ABL2: variants seen among roughly 807,000 people sequenced by gnomAD.
The protein encoded by ABL2 is ABL proto-oncogene 2, non-receptor tyrosine kinase.
Under a neutral mutation model 107.7 loss-of-function variants are expected in ABL2, and 49 were observed. The ratio of observed to expected loss-of-function variants is 0.45; its 90% confidence interval spans 0.36 to 0.58. The LOEUF is 0.58. ABL2 is among the 20% of genes least tolerant of loss of function. The pLI is 0.00. For synonymous variants in ABL2, 549 were observed against 548.6 expected (o/e 1.00, Z -0.01); for missense variants, 1,245 against 1,457.0 (o/e 0.85, Z 2.37).
chr1:179,121,811 G>A lies in ABL2; in HGVS notation c.744C>T (p.His248=), dbSNP rs1037272328. 77 of 1,613,738 alleles carry A rather than the reference G, an allele frequency of 4.8e-5. No individual in the cohort carries two copies. Among genetic ancestry groups the A allele is most frequent in the Middle Eastern group, 1.6e-4 (1 of 6,062 alleles). ...FSTLAELVHH[H]STVADGLVTT... ...TCACCAGCCCATCAGCCACTGTGGA[G>A]TGATGGTGTACAAGCTCTGCCAAGG... The change falls in exon 5 of 12, where the codon CAC becomes CAT. Residue 248 remains histidine, a synonymous_variant. Coordinates refer to ENST00000502732, the MANE Select transcript of ABL2 (RefSeq NM_007314.4).
chr1:179,165,226 G>A (rs779804666), intron 1 of ABL2, among the ~76,000 whole-genome samples: 5 of 152,264 alleles, frequency 3.3e-5, no homozygotes, highest in Non-Finnish European at 5.9e-5. Flanking sequence ...CACCTGCTAT[G>A]TGCCAACTAC....
At chr1:179,217,570 G>A (rs78974588) in intron 1 of ABL2, among the ~76,000 whole-genome samples, 3,090 of 151,078 alleles carry the variant, frequency 0.02, 117 homozygotes, top group African/African-American at 0.073. Flanking sequence ...AGGTTGCAGT[G>A]AGCCTCGATC....
Position 179,112,295 on chromosome 1 carries a change from C to A in ABL2, c.1651+14G>T. The A allele has an allele frequency of 6.2e-7, 1 of 1,608,156 alleles. No individual in the cohort carries two copies. The highest frequency in any genetic ancestry group is 1.1e-5 in the South Asian group (1 of 90,758). On this transcript the variant is annotated intron_variant, in intron 10 of 11. Transcript: ENST00000502732. ...CAGAATTAGTCACCAACAGTAAATC[C>A]AACAGATTCTCACCTTCAGAAATGC...
Position 179,123,968 on chromosome 1 carries a change from G to A in ABL2, c.688-2101C>T, listed in dbSNP as rs191116267. ...TTTTTAAAGACGCTTTTGGTCGGGC[G>A]CAGTGGCTCACGCCTGTAATCCCAG... On this transcript the variant is annotated intron_variant, in intron 4 of 11. Coordinates refer to ENST00000502732, the MANE Select transcript of ABL2 (RefSeq NM_007314.4). Among the ~76,000 whole-genome samples, 499 of 152,032 alleles carry A rather than the reference G, an allele frequency of 3.3e-3. 4 individuals are homozygous for A. Among genetic ancestry groups the A allele is most frequent in the African/African-American group, 0.012 (479 of 41,494 alleles).
intron 10 of ABL2, 100 bp from the exon 11 acceptor site, chr1:179,110,555 T>G (rs958369080): frequency 1.9e-5 from 29 of 1,520,240 alleles, no homozygotes; most frequent in Non-Finnish European, 2.5e-5. Context: ...AACTGGCAAG[T>G]AGAGTACTAA....
chr1:179,214,655 T>C (rs1318462676), intron 1 of ABL2, among the ~76,000 whole-genome samples: 3 of 151,196 alleles, frequency 2.0e-5, no homozygotes, highest in African/African-American at 4.9e-5. Flanking sequence ...CTCAAATATA[T>C]ATACCCTTCG....
chr1:179,116,622 T>A (rs1437741497), intron 8 of ABL2, among the ~76,000 whole-genome samples: 5 of 151,384 alleles, frequency 3.3e-5, no homozygotes, highest in African/African-American at 1.2e-4. Context: ...GTGATTCTCC[T>A]ACCTCAGCCT....
chr1:179,145,960 C>A (rs1167370793), intron 1 of ABL2, among the ~76,000 whole-genome samples: 4 of 146,652 alleles, frequency 2.7e-5, no homozygotes, highest in Non-Finnish European at 5.9e-5. Context: ...GTGGCGTGAT[C>A]TTGGCTCACT....
intron 1 of ABL2, among the ~76,000 whole-genome samples, chr1:179,170,065 T>C (rs1173838781): frequency 6.6e-6 from 1 of 152,130 alleles, no homozygotes; most frequent in African/African-American, 2.4e-5. Context: ...AACATGTTTA[T>C]TTGGCTCACA....
intron 1 of ABL2, among the ~76,000 whole-genome samples, chr1:179,227,648 A>T (rs1025445735): frequency 2.0e-5 from 3 of 152,186 alleles, no homozygotes; most frequent in African/African-American, 7.2e-5. Flanking sequence ...TAAACTACTA[A>T]TCCATTCTTC....
intron 9 of ABL2, among the ~76,000 whole-genome samples, chr1:179,114,187 G>A (rs555701605): frequency 2.6e-5 from 4 of 152,108 alleles, no homozygotes; most frequent in South Asian, 2.1e-4. Flanking sequence ...CCTGGGGGAC[G>A]GAGGTTGCAA....
chr1:179,217,772 A>G (rs1662652231), intron 1 of ABL2, among the ~76,000 whole-genome samples: 1 of 152,180 alleles, frequency 6.6e-6, no homozygotes. Flanking sequence ...GACTCAATCC[A>G]TAGCCACATA....
chr1:179,157,891 A>G (rs1397580526), intron 1 of ABL2, among the ~76,000 whole-genome samples: 2 of 152,166 alleles, frequency 1.3e-5, no homozygotes, highest in Admixed American at 6.6e-5. Context: ...ATCTTTAAGC[A>G]TAGGAGCTAG....
In ABL2 at chr1:179,131,391, G is replaced by T; in HGVS notation, c.311C>A (p.Ala104Asp). 1 of 1,614,158 alleles carries T rather than the reference G, an allele frequency of 6.2e-7. No individual in the cohort carries two copies. ...RWSSKENLLG[A>D]TESDPNLFVA... Reference sequence around the variant, plus strand: ...GAAGAGATTAGGGTCACTCTCAGTGGCTCCGAGCAAGTTCTCCTTGGAGCT... The same window carrying T: ...GAAGAGATTAGGGTCACTCTCAGTGTCTCCGAGCAAGTTCTCCTTGGAGCT... The change falls in exon 3 of 12, where the codon GCC becomes GAC. Residue 104 changes from alanine (A) to aspartate (D), a missense_variant. Physicochemically the swap from Ala to Asp is moderately radical, Grantham distance 126. Coordinates refer to ENST00000502732, the MANE Select transcript of ABL2 (RefSeq NM_007314.4).
In ABL2 at chr1:179,111,281, C is replaced by CTTTTTT. The variant is rs748453531; in HGVS notation, c.1652-832_1652-827dup. 7.3e-5 allele frequency among the ~76,000 whole-genome samples: 6 copies of CTTTTTT among 82,276 alleles called. 1 individual carries two copies. The highest frequency in any genetic ancestry group is 2.1e-4 in the African/African-American group (4 of 19,064). 54.0% of individuals were successfully genotyped at this position (82,276 alleles called of 152,430 possible). A position where few individuals can be genotyped will look rare whatever the true frequency, so the allele number is the denominator to read the frequency against. ...ACAGGTGTGAACCACAGTGCTCAGT[C>CTTTTTT]TTTTTTTTTTTTTTTTTTTTTTGAC... On this transcript the variant is annotated intron_variant, in intron 10 of 11. Transcript: ENST00000502732.
chr1:179,225,437 C>G (rs1663135827), intron 1 of ABL2, among the ~76,000 whole-genome samples: 1 of 152,154 alleles, frequency 6.6e-6, no homozygotes, highest in Non-Finnish European at 1.5e-5. Flanking sequence ...ATTCGAGCAC[C>G]TACATTTACC....
chr1:179,118,645 T>C lies in ABL2; in HGVS notation c.1165A>G (p.Met389Val), dbSNP rs762813604. 7 of 1,613,892 alleles carry C rather than the reference T, an allele frequency of 4.3e-6. No individual in the cohort carries two copies. Among genetic ancestry groups the C allele is most frequent in the South Asian group, 1.1e-5 (1 of 91,048 alleles). ...ATTGCAGAAGAAATCTGAGTGGCCATGTAGAGCAGCACAACTGCAGTCACC... is the reference window on the plus strand; with the variant it reads ...ATTGCAGAAGAAATCTGAGTGGCCACGTAGAGCAGCACAACTGCAGTCACC... Reference protein sequence around the residue: ...EEVTAVVLLYMATQISSAMEY... With the variant: ...EEVTAVVLLYVATQISSAMEY... The change falls in exon 7 of 12, where the codon ATG becomes GTG. Residue 389 changes from methionine (M) to valine (V), a missense_variant. Around this residue, in one of 3 missense-constraint regions of ABL2, gnomAD observed 320 missense variants for 547.0 expected, o/e 0.59. Transcript: ENST00000502732.
rs1182707312 is a variant in ABL2 at position 179,229,478 on chromosome 1, G to A, written c.-81C>T. The stretch of plus-strand genomic sequence containing the variant: ...GCTCCGGCCTCGGGCTCCTGGCGCT[G>A]CTCCGGTCTCTCCCTCCCAGCCCAG... On this transcript the variant is annotated 5_prime_UTR_variant, in exon 1 of 12. Coordinates refer to ENST00000502732, the MANE Select transcript of ABL2 (RefSeq NM_007314.4). 2.9e-6 allele frequency: 4 copies of A among 1,367,308 alleles called. No homozygotes were observed. The African/African-American group carries it at 4.7e-5, about 16-fold the overall frequency. 84.7% of individuals were successfully genotyped at this position (1,367,308 alleles called of 1,614,324 possible).
chr1:179,173,358 ATTTTTTTT>A (rs554479137), intron 1 of ABL2, among the ~76,000 whole-genome samples: 7 of 106,138 alleles, frequency 6.6e-5, no homozygotes, highest in African/African-American at 2.2e-4. Flanking sequence ...AAAGGCTGTA[ATTTTTTTT>A]TTTTTTTTTT....
Sources: gnomAD v4.1 joint callset for allele counts (sites outside exome capture counted in the v4.1 genomes callset) on GRCh38, gnomAD v4.1.1 for gene constraint, gnomAD v4.1.1 regional missense constraint, MANE v1.5 for transcripts, NCBI Gene and HGNC (gene_info 2026-07-23, HGNC 2026-07-21) for gene names.